BANP: variants seen among roughly 807,000 people sequenced by gnomAD.
BANP encodes the protein protein BANP.
In BANP, 11 loss-of-function variants were observed where a neutral mutation model predicts 68.1. The observed-to-expected ratio is 0.16, with a 90% CI of 0.10 to 0.27. The LOEUF (loss-of-function observed/expected upper bound fraction) is 0.27. Ranked by LOEUF, BANP falls within the 10% of genes least tolerant of loss-of-function variation. BANP has a pLI of 1.00. For missense variants in BANP, 504 were observed against 722.7 expected (o/e 0.70, Z 3.47); for synonymous variants, 329 against 303.2 (o/e 1.09, Z -0.88).
At chr16:88,067,764 C>T (rs1183624794) in intron 12 of BANP, among the ~76,000 whole-genome samples, 3 of 152,170 alleles carry the variant, frequency 2.0e-5, no homozygotes, top group Non-Finnish European at 2.9e-5. Flanking sequence ...TCACTGACCT[C>T]GCCCTGCTCC....
chr16:87,986,224 C>G lies in BANP; in HGVS notation c.362+1965C>G, dbSNP rs141745125. On this transcript the variant is annotated intron_variant, in intron 4 of 13. Transcript: ENST00000682872. ...AAGGATGAACGAACCTCTCCTGTCCCCGGAGCCTTGCGTGCTGGCGGACAG... is the reference window on the plus strand; with the variant it reads ...AAGGATGAACGAACCTCTCCTGTCCGCGGAGCCTTGCGTGCTGGCGGACAG... Among the ~76,000 whole-genome samples the G allele has an allele frequency of 6.6e-3, 1,002 of 152,340 alleles. 36 individuals carry two copies. Among genetic ancestry groups the G allele is most frequent in the East Asian group, 9.6e-3 (50 of 5,184 alleles).
At position 88,033,131 on chromosome 16, in the gene BANP, T is replaced by C. The variant is rs769400201; in HGVS notation, c.1086T>C (p.Pro362=). Residue 362 remains proline, a synonymous_variant, in exon 9 of 14, where the codon CCT becomes CCC. Coordinates refer to ENST00000682872, the MANE Select transcript of BANP (RefSeq NM_001386991.1). ...CPSEPMMSTP[P]PASELPQPQP... ...CAGAGCCGATGATGAGCACCCCACC[T>C]CCTGCCAGCGAGCTCCCGCAGCCAC... 12 of 1,608,096 alleles carry C rather than the reference T, an allele frequency of 7.5e-6. No individual in the cohort carries two copies. The African/African-American group carries it at 1.6e-4, about 21-fold the overall frequency.
chr16:88,006,132 G>A lies in BANP; in HGVS notation c.522G>A (p.Val174=). ...GRRQNTIVVK[V]PGQEDSHHED... ...GGCAGAACACCATTGTGGTGAAGGT[G>A]CCGGGCCAAGAAGACAGCCACCACG... is the stretch of plus-strand genomic sequence containing the variant. Residue 174 remains valine (V), a synonymous_variant, in exon 6 of 14, where the codon GTG becomes GTA. Coordinates refer to ENST00000682872, the MANE Select transcript of BANP (RefSeq NM_001386991.1). The A allele has an allele frequency of 1.9e-6, 3 of 1,614,060 alleles. No homozygotes were observed. Among genetic ancestry groups the A allele is most frequent in the South Asian group, 1.1e-5 (1 of 91,080 alleles).
chr16:87,953,294 CCT>C (rs1286116709), intron 1 of BANP, among the ~76,000 whole-genome samples: 4 of 152,192 alleles, frequency 2.6e-5, no homozygotes, highest in Non-Finnish European at 5.9e-5. Context: ...CCCTGCCCCA[CCT>C]CTCAGCCCCG....
chr16:88,019,566 G>C (rs1371491460), intron 7 of BANP, among the ~76,000 whole-genome samples: 2 of 93,096 alleles, frequency 2.1e-5, no homozygotes, highest in African/African-American at 6.5e-5. Context: ...TCAGCGTGCG[G>C]GGGGCGGGGC....
chr16:87,973,204 A>G (rs903027987), intron 1 of BANP, among the ~76,000 whole-genome samples: 1 of 151,570 alleles, frequency 6.6e-6, no homozygotes, highest in Non-Finnish European at 1.5e-5. Context: ...TTAGAGGTTC[A>G]GCGCTGGTGC....
At chr16:87,954,794 C>T (rs934642001) in intron 1 of BANP, among the ~76,000 whole-genome samples, 1 of 152,192 alleles carries the variant, frequency 6.6e-6, no homozygotes, top group Non-Finnish European at 1.5e-5. Flanking sequence ...TTGATAACAC[C>T]CTATTAAAGA....
chr16:87,984,772 C>T (rs1400800568), intron 4 of BANP, among the ~76,000 whole-genome samples: 1 of 152,230 alleles, frequency 6.6e-6, no homozygotes, highest in Non-Finnish European at 1.5e-5. Context: ...TAGAAAGTCT[C>T]GGACCTGCTT....
chr16:88,006,165 G>C lies in BANP; in HGVS notation c.555G>C (p.Gly185=). Reference sequence around the variant, plus strand: ...AAGAAGACAGCCACCACGAGGACGGGGAGAGCGGCTCGGAGGCCAGCGACT... The same window carrying C: ...AAGAAGACAGCCACCACGAGGACGGCGAGAGCGGCTCGGAGGCCAGCGACT... ...PGQEDSHHED[G]ESGSEASDSV... is the part of the protein sequence containing the mutation. The change falls in exon 6 of 14, where the codon GGG becomes GGC. Residue 185 remains glycine (G), a synonymous_variant. Transcript: ENST00000682872. The C allele has an allele frequency of 6.2e-7, 1 of 1,614,058 alleles. No homozygotes were observed. Among genetic ancestry groups the C allele is most frequent in the East Asian group, 2.2e-5 (1 of 44,878 alleles).
intron 1 of BANP, among the ~76,000 whole-genome samples, chr16:87,958,812 C>T (rs2058585207): frequency 6.6e-6 from 1 of 152,234 alleles, no homozygotes; most frequent in African/African-American, 2.4e-5. Context: ...GGAGATCAGA[C>T]TAATAACCTC....
intron 1 of BANP, among the ~76,000 whole-genome samples, chr16:87,962,225 G>A (rs760532401): frequency 1.8e-5 from 2 of 114,148 alleles, no homozygotes; most frequent in Non-Finnish European, 3.4e-5. Context: ...GGGCTACAGA[G>A]CGAGACTTGG....
chr16:88,005,728 C>G (rs866007974), intron 5 of BANP, among the ~76,000 whole-genome samples: 2 of 152,222 alleles, frequency 1.3e-5, no homozygotes, highest in African/African-American at 4.8e-5. Context: ...GCACAGTTTT[C>G]CTCATTTAGT....
chr16:88,033,106 C>T lies in BANP; in HGVS notation c.1064-3C>T, dbSNP rs1396846393. On this transcript the variant is annotated splice_polypyrimidine_tract_variant and splice_region_variant and intron_variant, in intron 8 of 13. Coordinates refer to ENST00000682872, the MANE Select transcript of BANP (RefSeq NM_001386991.1). Reference sequence around the variant, plus strand: ...ACCCCGTTCACACCTGTTGCCCCCACAGAGCCGATGATGAGCACCCCACCT... The same window carrying T: ...ACCCCGTTCACACCTGTTGCCCCCATAGAGCCGATGATGAGCACCCCACCT... The T allele has an allele frequency of 2.5e-6, 4 of 1,598,968 alleles. No individual in the cohort carries two copies. Among genetic ancestry groups the T allele is most frequent in the Non-Finnish European group, 2.6e-6 (3 of 1,169,222 alleles).
chr16:88,038,507 C>T (rs1455245064), intron 11 of BANP, among the ~76,000 whole-genome samples: 2 of 139,482 alleles, frequency 1.4e-5, no homozygotes, highest in Admixed American at 1.5e-4. Context: ...TTATTTTCTG[C>T]ACACGCATGC....
At position 88,002,272 on chromosome 16, in the gene BANP, G is replaced by A. The variant is rs559849437; in HGVS notation, c.363-2023G>A. Among the ~76,000 whole-genome samples, 1 of 152,106 alleles carries A rather than the reference G, an allele frequency of 6.6e-6. No homozygotes were observed. The highest frequency in any genetic ancestry group is 1.5e-5 in the Non-Finnish European group (1 of 68,014). The stretch of plus-strand genomic sequence containing the variant: ...TGTGTGCCAGGGGTCTCAGTGGTCT[G>A]TCCTCAGAAACTGTTTTTGATGATC... On this transcript the variant is annotated intron_variant, in intron 4 of 13. Coordinates refer to ENST00000682872, the MANE Select transcript of BANP (RefSeq NM_001386991.1). This position sits in a 1 kb window ranked among gnomAD's most constrained non-coding sequence, Gnocchi z 4.6.
At chr16:87,987,123 G>C (rs1354175360) in intron 4 of BANP, among the ~76,000 whole-genome samples, 2 of 152,136 alleles carry the variant, frequency 1.3e-5, no homozygotes, top group African/African-American at 2.4e-5. Context: ...CGGCCACCCA[G>C]GCTGGAGTGC....
At chr16:88,073,561 G>T (rs985891596) in intron 13 of BANP, among the ~76,000 whole-genome samples, 6 of 152,240 alleles carry the variant, frequency 3.9e-5, no homozygotes, top group African/African-American at 7.2e-5. Flanking sequence ...GAGCGGGTGG[G>T]TGGGATGGTG....
intron 11 of BANP, among the ~76,000 whole-genome samples, chr16:88,060,540 G>C (rs143455539): frequency 1.3e-5 from 2 of 152,220 alleles, no homozygotes; most frequent in Non-Finnish European, 2.9e-5. Flanking sequence ...GGATTCAAAC[G>C]TATTTTTTGT....
intron 13 of BANP, among the ~76,000 whole-genome samples, chr16:88,074,216 C>A (rs540743299): frequency 1.0e-5 from 1 of 95,486 alleles, no homozygotes; most frequent in East Asian, 6.4e-4. Context: ...GAAGCCCCCA[C>A]CCCAGTCATG....
Sources: allele counts gnomAD v4.1 joint callset (sites outside exome capture counted in the v4.1 genomes callset), GRCh38; gene constraint gnomAD v4.1.1; non-coding constraint Gnocchi (gnomAD v3.1); transcripts MANE v1.5; gene names NCBI Gene and HGNC (gene_info 2026-07-23, HGNC 2026-07-21).